RBMS3: variants seen among roughly 807,000 people sequenced by gnomAD.
RBMS3 encodes RNA binding motif single stranded interacting protein 3.
RBMS3 carries 27 observed loss-of-function variants against 66.8 expected under a neutral mutation model. The observed-to-expected ratio is 0.40, with a 90% CI of 0.30 to 0.56. The LOEUF is 0.56. Ranked by LOEUF, RBMS3 falls within the 20% of genes least tolerant of loss-of-function variation. The probability of loss-of-function intolerance (pLI) is 0.40; values close to 1 mark genes in which losing one functional copy is unlikely to be tolerated. For synonymous variants in RBMS3, 188 were observed against 183.0 expected (o/e 1.03, Z -0.22); for missense variants, 513 against 549.5 (o/e 0.93, Z 0.66).
intron 4 of RBMS3, among the ~76,000 whole-genome samples, chr3:29,624,587 A>G (rs528970117): frequency 6.6e-6 from 1 of 152,294 alleles, no homozygotes; most frequent in South Asian, 2.1e-4. Flanking sequence ...ACTGGGAAGA[A>G]GAAGGCAGTA....
At chr3:29,800,749 A>T (rs925877343) in intron 6 of RBMS3, among the ~76,000 whole-genome samples, 3 of 151,924 alleles carry the variant, frequency 2.0e-5, no homozygotes, top group Non-Finnish European at 4.4e-5. Context: ...AAGCAAAACA[A>T]AACCTTTTCT....
chr3:29,555,463 C>G (rs573078346), intron 3 of RBMS3, among the ~76,000 whole-genome samples: 1 of 152,204 alleles, frequency 6.6e-6, no homozygotes, highest in African/African-American at 2.4e-5. Context: ...TTAAATGATA[C>G]AGTATGAAGG....
chr3:29,634,740 G>C (rs1576407179), intron 4 of RBMS3, among the ~76,000 whole-genome samples: 1 of 151,696 alleles, frequency 6.6e-6, no homozygotes, highest in Admixed American at 6.6e-5. Flanking sequence ...GTCTGTTTCT[G>C]GGGGAACCAT....
rs540757092 is a variant in RBMS3, at chr3:29,530,432, G to C, written c.307+41933G>C. ...GATGTGGACTAAAAAAATACAATTT[G>C]TAAAATGTGCATGAAAAATAACTGA... On this transcript the variant is annotated intron_variant, in intron 3 of 14. Coordinates refer to ENST00000383767, the MANE Select transcript of RBMS3 (RefSeq NM_001003793.3). Among the ~76,000 whole-genome samples the C allele has an allele frequency of 2.0e-5, 3 of 152,224 alleles. No homozygotes were observed. The East Asian group carries it at 5.8e-4, about 29-fold the overall frequency.
chr3:29,805,283 A>T (rs1268312115), intron 6 of RBMS3, among the ~76,000 whole-genome samples: 3 of 152,100 alleles, frequency 2.0e-5, no homozygotes, highest in Admixed American at 6.6e-5. Context: ...GTCATATAAA[A>T]GTATAGCAAT....
intron 5 of RBMS3, among the ~76,000 whole-genome samples, chr3:29,760,984 A>C (rs544766684): frequency 2.0e-5 from 3 of 152,066 alleles, no homozygotes; most frequent in Non-Finnish European, 4.4e-5. Context: ...TCACCTGATG[A>C]TATACATACT....
intron 2 of RBMS3, among the ~76,000 whole-genome samples, chr3:29,481,381 G>A (rs2043124296): frequency 6.6e-6 from 1 of 152,178 alleles, no homozygotes; most frequent in Non-Finnish European, 1.5e-5. Context: ...AATGGTTCTG[G>A]AGATGGGGTA....
In RBMS3 at chr3:29,687,473, T is replaced by C. The variant is rs2051783964; in HGVS notation, c.400-52247T>C. On this transcript the variant is annotated intron_variant, in intron 4 of 14. Coordinates refer to ENST00000383767, the MANE Select transcript of RBMS3 (RefSeq NM_001003793.3). Reference sequence around the variant, plus strand: ...TACAGGATTTCTTTTTCCTTCAACATGAAGACATTAAGTTCAGATTTGTAG... The same window carrying C: ...TACAGGATTTCTTTTTCCTTCAACACGAAGACATTAAGTTCAGATTTGTAG... Among the ~76,000 whole-genome samples, 4 of 152,334 alleles carry C rather than the reference T, an allele frequency of 2.6e-5. No individual in the cohort carries two copies. The East Asian group carries it at 5.8e-4, about 22-fold the overall frequency.
At chr3:29,643,638 G>A (rs1286380737) in intron 4 of RBMS3, among the ~76,000 whole-genome samples, 1 of 152,086 alleles carries the variant, frequency 6.6e-6, no homozygotes, top group African/African-American at 2.4e-5. Flanking sequence ...GGAGAAAAAC[G>A]TGAAAGTTGT....
intron 6 of RBMS3, among the ~76,000 whole-genome samples, chr3:29,788,964 A>G (rs969902689): frequency 2.6e-5 from 4 of 152,152 alleles, no homozygotes; most frequent in African/African-American, 4.8e-5. Flanking sequence ...TAGTCTTAAT[A>G]ATAATAAGAG....
chr3:29,811,398 T>A (rs2057725422), intron 6 of RBMS3, among the ~76,000 whole-genome samples: 1 of 152,168 alleles, frequency 6.6e-6, no homozygotes, highest in Admixed American at 6.5e-5. Context: ...AGCAGGACAG[T>A]CTAGACTGGC....
intron 4 of RBMS3, among the ~76,000 whole-genome samples, chr3:29,679,573 G>A (rs79105385): frequency 6.6e-6 from 1 of 152,000 alleles, no homozygotes; most frequent in Admixed American, 6.6e-5. Context: ...AAATTAAAAA[G>A]TATGGAATCA....
chr3:29,599,055 A>G (rs1259774536), intron 4 of RBMS3, among the ~76,000 whole-genome samples: 1 of 151,956 alleles, frequency 6.6e-6, no homozygotes, highest in Non-Finnish European at 1.5e-5. Flanking sequence ...TGTCTTAAAG[A>G]ACTGATTAAA....
At chr3:29,914,979 C>G (rs2060603101) in intron 10 of RBMS3, among the ~76,000 whole-genome samples, 1 of 151,684 alleles carries the variant, frequency 6.6e-6, no homozygotes, top group African/African-American at 2.4e-5. Context: ...TAGTAAAAAC[C>G]AAGAAAGCAA....
chr3:29,870,127 AAGAT>A (rs1258550414), intron 7 of RBMS3, among the ~76,000 whole-genome samples: 1 of 152,204 alleles, frequency 6.6e-6, no homozygotes, highest in Non-Finnish European at 1.5e-5. Flanking sequence ...GCTAATAAAA[AAGAT>A]AAAGAGTTTT....
Position 29,925,926 on chromosome 3 carries a change from C to A in RBMS3, c.940-10160C>A, listed in dbSNP as rs778712959. ...AGGAGAAATGGCAATAAAATCTAAG[C>A]GGAATAAAACATGTAACTAAGTTTC... On this transcript the variant is annotated intron_variant, in intron 10 of 14. Coordinates refer to ENST00000383767, the MANE Select transcript of RBMS3 (RefSeq NM_001003793.3). 3.3e-5 allele frequency among the ~76,000 whole-genome samples: 5 copies of A among 151,990 alleles called. No individual in the cohort carries two copies. The East Asian group carries it at 9.6e-4, about 29-fold the overall frequency.
intron 14 of RBMS3, among the ~76,000 whole-genome samples, chr3:30,001,038 T>A (rs201979440): frequency 6.6e-6 from 1 of 151,480 alleles, no homozygotes; most frequent in Admixed American, 6.6e-5. Context: ...TAAAGTATAA[T>A]AAAAAAAAGA....
chr3:29,943,704 G>A (rs535380486), intron 11 of RBMS3, among the ~76,000 whole-genome samples: 1 of 151,886 alleles, frequency 6.6e-6, no homozygotes, highest in African/African-American at 2.4e-5. Flanking sequence ...TGGGATCAGA[G>A]CTAGAGCTGA....
chr3:29,778,430 T>A (rs2056500816), intron 6 of RBMS3, among the ~76,000 whole-genome samples: 2 of 106,298 alleles, frequency 1.9e-5, no homozygotes, highest in Non-Finnish European at 1.9e-5. Context: ...ATCAATAAAC[T>A]TTTTTTTTTT....
Sources: gnomAD v4.1 joint callset for allele counts (sites outside exome capture counted in the v4.1 genomes callset) on GRCh38, gnomAD v4.1.1 for gene constraint, MANE v1.5 for transcripts, NCBI Gene and HGNC (gene_info 2026-07-23, HGNC 2026-07-21) for gene names.